Variants in GLI2 observed in about 807,000 individuals in gnomAD.
GLI2 encodes GLI family zinc finger 2.
A neutral mutation model predicts 78.9 loss-of-function variants in GLI2; 22 were observed. That is an observed-to-expected ratio of 0.28 (90% CI 0.20 to 0.40). GLI2 has a LOEUF of 0.40. Among genes scored for constraint, GLI2 ranks in the 10% least tolerant of loss-of-function variants. GLI2 has a pLI of 1.00. For synonymous variants in GLI2, 974 were observed against 963.7 expected, an observed-to-expected ratio of 1.01 and a Z score of -0.20; for missense variants, 2,097 against 2,213.2, an observed-to-expected ratio of 0.95 and a Z score of 1.05.
intron 1 of GLI2, among the ~76,000 whole-genome samples, chr2:120,771,324 C>T (rs113934909): frequency 6.6e-6 from 1 of 152,210 alleles, no homozygotes; most frequent in Non-Finnish European, 1.5e-5. Context: ...CTATGCTGTG[C>T]GATTGGGGCG....
At chr2:120,828,044 G>A (rs1231356750) in intron 2 of GLI2, among the ~76,000 whole-genome samples, 3 of 152,226 alleles carry the variant, frequency 2.0e-5, no homozygotes, top group African/African-American at 4.8e-5. Context: ...TTTATGTTTT[G>A]TATATTTTCC....
rs187476413 is a variant in GLI2, at chr2:120,761,022, C to T, written c.-31+24737C>T. Among the ~76,000 whole-genome samples, 43 of 152,248 alleles carry T rather than the reference C, an allele frequency of 2.8e-4. No individual in the cohort carries two copies. In the East Asian group the frequency reaches 8.1e-3, roughly 29 times the overall value. On this transcript the variant is annotated intron_variant, in intron 1 of 13. Transcript: ENST00000361492. ...AGCAGAGTGGCTGGGCCTGGATGCA[C>T]CTTGGGGTTGCTGCAGTGAACGCTG...
At chr2:120,821,034 C>T (rs1037554250) in intron 2 of GLI2, among the ~76,000 whole-genome samples, 2 of 152,106 alleles carry the variant, frequency 1.3e-5, no homozygotes, top group East Asian at 1.9e-4. Flanking sequence ...ACCCACCCAC[C>T]TCCTCGAGGA....
At chr2:120,895,132 G>A (rs188385322) in intron 2 of GLI2, among the ~76,000 whole-genome samples, 2 of 152,364 alleles carry the variant, frequency 1.3e-5, no homozygotes, top group East Asian at 1.9e-4. Context: ...AGCCATCCCT[G>A]CAGGCTGGCC....
At chr2:120,902,510 C>A (rs1372402058) in intron 2 of GLI2, among the ~76,000 whole-genome samples, 2 of 152,054 alleles carry the variant, frequency 1.3e-5, no homozygotes, top group Non-Finnish European at 2.9e-5. Context: ...CCAGAGTGTG[C>A]AAAATAAGGA....
chr2:120,909,557 C>T (rs1200293687), intron 2 of GLI2, among the ~76,000 whole-genome samples: 2 of 152,178 alleles, frequency 1.3e-5, no homozygotes, highest in East Asian at 3.9e-4. Flanking sequence ...AGATCGTGCA[C>T]ACCCCCTCAT....
chr2:120,773,517 C>T (rs996620326), intron 1 of GLI2, among the ~76,000 whole-genome samples: 4 of 152,182 alleles, frequency 2.6e-5, no homozygotes, highest in African/African-American at 7.2e-5. Context: ...GATGCCATGC[C>T]GGCCCCTGAT....
intron 3 of GLI2, among the ~76,000 whole-genome samples, chr2:120,937,609 G>T (rs1049771668): frequency 1.6e-4 from 25 of 152,188 alleles, no homozygotes; most frequent in Non-Finnish European, 3.1e-4. Flanking sequence ...CCCACTGGGG[G>T]CCCTACCACC....
rs267598856 is a variant in GLI2, at chr2:120,990,233, C to G, written c.4268C>G (p.Pro1423Arg). ...CCTCCGCAGGACGCAGGTGGGGCCC[C>G]GGACCACAGCATGCTCTACTACTAC... ...QPPPQDAGGA[P>R]DHSMLYYYGQ... Residue 1423 changes from proline to arginine, a missense_variant, in exon 14 of 14, where the codon CCG becomes CGG. By Grantham distance (103) the Pro-to-Arg change is moderately radical. This residue lies in a region of GLI2 where 1,290 missense variants were observed against 1,261.7 expected (regional missense o/e 1.02). Transcript: ENST00000361492. The G allele has an allele frequency of 6.2e-7, 1 of 1,613,648 alleles. No individual in the cohort carries two copies. Among genetic ancestry groups the G allele is most frequent in the Non-Finnish European group, 8.5e-7 (1 of 1,180,028 alleles).
In GLI2 at chr2:120,989,654, A is replaced by G. The variant is rs377085645; in HGVS notation, c.3689A>G (p.Tyr1230Cys). ...MTTTMSPHAC[Y>C]GQVHPQLSPS... ...ACCACTATGAGCCCCCATGCCTGCT[A>G]TGGCCAAGTCCACCCCCAGCTGAGC... Residue 1230 changes from tyrosine to cysteine, a missense_variant, in exon 14 of 14, where the codon TAT becomes TGT. Coordinates refer to ENST00000361492, the MANE Select transcript of GLI2 (RefSeq NM_001374353.1). 2 of 1,613,410 alleles carry G rather than the reference A, an allele frequency of 1.2e-6. No homozygotes were observed. The highest frequency in any genetic ancestry group is 8.5e-7 in the Non-Finnish European group (1 of 1,179,994).
intron 1 of GLI2, among the ~76,000 whole-genome samples, chr2:120,754,878 G>A (rs1466650079): frequency 2.0e-5 from 3 of 148,994 alleles, no homozygotes; most frequent in Non-Finnish European, 3.0e-5. Context: ...TTAAGACAGA[G>A]TTTCACTCTT....
At chr2:120,764,106 T>G (rs890154148) in intron 1 of GLI2, among the ~76,000 whole-genome samples, 3 of 152,250 alleles carry the variant, frequency 2.0e-5, no homozygotes, top group Non-Finnish European at 4.4e-5. Flanking sequence ...TCTCCTGCAT[T>G]GTCACCTGGA....
chr2:120,920,625 C>T (rs1359302105), intron 2 of GLI2, among the ~76,000 whole-genome samples: 1 of 152,164 alleles, frequency 6.6e-6, no homozygotes, highest in Non-Finnish European at 1.5e-5. Context: ...AGAAAAGTTC[C>T]AGGATTTTAA....
intron 2 of GLI2, among the ~76,000 whole-genome samples, chr2:120,843,625 G>A (rs928775203): frequency 1.3e-5 from 2 of 152,162 alleles, no homozygotes; most frequent in African/African-American, 4.8e-5. Context: ...CAGGTTCCAC[G>A]GGCGTCAGAG....
At chr2:120,799,913 G>T (rs1457490817) in intron 2 of GLI2, among the ~76,000 whole-genome samples, 1 of 152,200 alleles carries the variant, frequency 6.6e-6, no homozygotes, top group Non-Finnish European at 1.5e-5. Flanking sequence ...GTTGGCGTGG[G>T]TCCCCCTCAG....
At chr2:120,910,005 C>T (rs181219326) in intron 2 of GLI2, among the ~76,000 whole-genome samples, 156 of 152,314 alleles carry the variant, frequency 1.0e-3, no homozygotes, top group Middle Eastern at 0.01. Flanking sequence ...ACAGCTCCTC[C>T]GTGTAGGCCC....
In GLI2 at chr2:120,990,239, A is replaced by G. The variant is rs1383968961; in HGVS notation, c.4274A>G (p.His1425Arg). Residue 1425 changes from histidine to arginine, a missense_variant, in exon 14 of 14, where the codon CAC (histidine) becomes CGC (arginine). His to Arg is a conservative substitution (Grantham distance 29). Coordinates refer to ENST00000361492, the MANE Select transcript of GLI2 (RefSeq NM_001374353.1). ...PPQDAGGAPD[H>R]SMLYYYGQIH... ...CAGGACGCAGGTGGGGCCCCGGACC[A>G]CAGCATGCTCTACTACTACGGCCAG... 1 of 1,613,646 alleles carries G rather than the reference A, an allele frequency of 6.2e-7. No homozygotes were observed. Among genetic ancestry groups the G allele is most frequent in the Admixed American group, 1.7e-5 (1 of 60,028 alleles).
Position 120,827,430 on chromosome 2 carries a change from C to G in GLI2, c.148+29962C>G, listed in dbSNP as rs1380159701. Among the ~76,000 whole-genome samples, 3 of 152,350 alleles carry G rather than the reference C, an allele frequency of 2.0e-5. No individual in the cohort carries two copies. The East Asian group carries it at 5.8e-4, about 29-fold the overall frequency. ...GTGGAGAAGTTGGCCTCCTTGTGCA[C>G]TGCTGGTGGGAATGTGAAATAGTGC... On this transcript the variant is annotated intron_variant, in intron 2 of 13. Coordinates refer to ENST00000361492, the MANE Select transcript of GLI2 (RefSeq NM_001374353.1).
In GLI2 at chr2:120,951,309, G is replaced by A. The variant is rs578011257; in HGVS notation, c.321G>A (p.Pro107=). ...CCTTGATCCGGCTTTCCCCGCACCC[G>A]GCTGGCCCTGGGGAGTCCCCCTTCA... ...DISLIRLSPH[P]AGPGESPFNA... Residue 107 remains proline, a synonymous_variant, in exon 4 of 14, where the codon CCG becomes CCA. Coordinates refer to ENST00000361492, the MANE Select transcript of GLI2 (RefSeq NM_001374353.1). 2,478 of 1,610,102 alleles carry A rather than the reference G, an allele frequency of 1.5e-3. 48 individuals carry two copies. In the South Asian group the frequency reaches 0.026, roughly 17 times the overall value.
Sources: allele counts gnomAD v4.1 joint callset (sites outside exome capture counted in the v4.1 genomes callset), GRCh38; gene constraint gnomAD v4.1.1; regional missense constraint gnomAD v4.1.1; transcripts MANE v1.5; gene names NCBI Gene and HGNC (gene_info 2026-07-23, HGNC 2026-07-21).